The following DBR1 variants were observed in gnomAD, a reference collection of about 807,000 sequenced individuals.
DBR1 encodes lariat debranching enzyme.
In DBR1, 33 loss-of-function variants were observed where a neutral mutation model predicts 45.9. That is an observed-to-expected ratio of 0.72 (90% confidence interval 0.55 to 0.96). The LOEUF is 0.96. Ranked by LOEUF, DBR1 falls within the 40% of genes least tolerant of loss-of-function variation. The probability of loss-of-function intolerance (pLI) is 0.00; values close to 1 mark genes in which losing one functional copy is unlikely to be tolerated. For missense variants in DBR1, 619 were observed against 667.4 expected (o/e 0.93, Z 0.80); for synonymous variants, 235 against 235.9 (o/e 1.00, Z 0.04).
At chr3:138,168,699 G>A (rs1257317007) in intron 4 of DBR1, among the ~76,000 whole-genome samples, 1 of 152,078 alleles carries the variant, frequency 6.6e-6, no homozygotes, top group East Asian at 1.9e-4. Context: ...GCTCATGCCT[G>A]TAATCCCAGC....
chr3:138,161,131 A>T lies in DBR1; in HGVS notation c.*758T>A, dbSNP rs1355342285. The T allele has an allele frequency of 6.6e-6, 1 of 152,210 alleles. No individual in the cohort carries two copies. Among genetic ancestry groups the T allele is most frequent in the Non-Finnish European group, 1.5e-5 (1 of 68,036 alleles). The allele number at this position is 152,210 out of a possible 1,614,324, so 9.4% of individuals were successfully genotyped here. A position where few individuals can be genotyped will look rare whatever the true frequency, so the allele number is the denominator to read the frequency against. ...TATTTATAATAAATGAAAAGAAAGCATACATCATAATATATACAATGACTT... is the reference window on the plus strand; with the variant it reads ...TATTTATAATAAATGAAAAGAAAGCTTACATCATAATATATACAATGACTT... On this transcript the variant is annotated 3_prime_UTR_variant, in exon 8 of 8. Transcript: ENST00000260803.
intron 7 of DBR1, 104 bp from the exon 8 acceptor site, chr3:138,162,686 T>C (rs2042913692): frequency 2.0e-6 from 2 of 983,188 alleles, no homozygotes; most frequent in East Asian, 5.0e-5. Context: ...AAATAAGCCA[T>C]CTATCAAAAT....
At position 138,161,575 on chromosome 3, in the gene DBR1, G is replaced by C. The variant is rs2042907221; in HGVS notation, c.*314C>G. The C allele has an allele frequency of 8.0e-6, 2 of 248,466 alleles. No individual in the cohort carries two copies. Among genetic ancestry groups the C allele is most frequent in the African/African-American group, 2.2e-5 (1 of 45,660 alleles). 15.4% of individuals were successfully genotyped at this position (248,466 alleles called of 1,614,324 possible). A position where few individuals can be genotyped will look rare whatever the true frequency, so the allele number is the denominator to read the frequency against. On this transcript the variant is annotated 3_prime_UTR_variant, in exon 8 of 8. Transcript: ENST00000260803. The stretch of plus-strand genomic sequence containing the variant: ...ACAAGTAAATTGTCGGCCAGGCACA[G>C]TGGCTCACGCCTGTAATCCCAGCAC...
chr3:138,167,815 CATCTGTCTGT>C (rs1470187546), intron 4 of DBR1, among the ~76,000 whole-genome samples: 6 of 152,058 alleles, frequency 3.9e-5, no homozygotes, highest in Non-Finnish European at 8.8e-5. Context: ...GACGTTGTGG[CATCTGTCTGT>C]AATCCCAGCT....
intron 4 of DBR1, among the ~76,000 whole-genome samples, chr3:138,167,683 C>T (rs1265516407): frequency 2.0e-5 from 3 of 152,190 alleles, no homozygotes; most frequent in East Asian, 1.9e-4. Context: ...CGGTGGCTCA[C>T]GCCTATAATC....
intron 5 of DBR1, among the ~76,000 whole-genome samples, chr3:138,164,809 G>A (rs1192505569): frequency 6.6e-6 from 1 of 152,150 alleles, no homozygotes; most frequent in African/African-American, 2.4e-5. Context: ...AACATGCCCA[G>A]CTAATTTTTG....
rs755215395 is a variant in DBR1, at chr3:138,162,144, C to G, written c.1380G>C (p.Glu460Asp). ...PSVEPSDQAS[E>D]FSASFSDVRI... Reference sequence around the variant, plus strand: ...TGACATCAGAGAAACTTGCAGAAAACTCAGAAGCTTGATCAGAAGGTTCTA... The same window carrying G: ...TGACATCAGAGAAACTTGCAGAAAAGTCAGAAGCTTGATCAGAAGGTTCTA... The change falls in exon 8 of 8, where the codon GAG becomes GAC. Residue 460 changes from glutamate (E) to aspartate (D), a missense_variant. Glu to Asp is a conservative substitution (Grantham distance 45). Coordinates refer to ENST00000260803, the MANE Select transcript of DBR1 (RefSeq NM_016216.4). The G allele has an allele frequency of 6.2e-7, 1 of 1,614,056 alleles. No homozygotes were observed. Among genetic ancestry groups the G allele is most frequent in the African/African-American group, 1.3e-5 (1 of 74,928 alleles).
At chr3:138,166,499 C>A (rs1016131987) in intron 5 of DBR1, among the ~76,000 whole-genome samples, 1 of 152,272 alleles carries the variant, frequency 6.6e-6, no homozygotes, top group Non-Finnish European at 1.5e-5. Context: ...GCCTGCTCTG[C>A]CTCCCATTTT....
At chr3:138,165,458 G>A (rs187736028) in intron 5 of DBR1, among the ~76,000 whole-genome samples, 394 of 152,226 alleles carry the variant, frequency 2.6e-3, no homozygotes, top group Non-Finnish European at 3.5e-3. Context: ...GGCCAGGCGC[G>A]GTGGCTCATG....
rs1241509432 is a variant in DBR1 at position 138,161,753 on chromosome 3, G to C, written c.*136C>G. The C allele has an allele frequency of 2.9e-6, 2 of 687,720 alleles. No individual in the cohort carries two copies. The allele number at this position is 687,720 out of a possible 1,614,324, so 42.6% of individuals were successfully genotyped here. A position where few individuals can be genotyped will look rare whatever the true frequency, so the allele number is the denominator to read the frequency against. ...CCCACCTACTTGGGAGGCTGAGGCA[G>C]GAGAATTGCTTGAACCTGGGAGGCG... On this transcript the variant is annotated 3_prime_UTR_variant, in exon 8 of 8. Coordinates refer to ENST00000260803, the MANE Select transcript of DBR1 (RefSeq NM_016216.4).
chr3:138,169,400 C>T (rs2042944729), intron 4 of DBR1, among the ~76,000 whole-genome samples: 3 of 152,188 alleles, frequency 2.0e-5, no homozygotes, highest in Admixed American at 1.3e-4. Flanking sequence ...ATACCACCTT[C>T]ACAATTTTCC....
rs755206811 is a variant in DBR1 at position 138,170,159 on chromosome 3, G to A, written c.437C>T (p.Thr146Ile). The change falls in exon 4 of 8, where the codon ACA becomes ATA. Residue 146 changes from threonine (T) to isoleucine (I), a missense_variant. Coordinates refer to ENST00000260803, the MANE Select transcript of DBR1 (RefSeq NM_016216.4). ...TCTCACATGATATATACTCCTGATT[G>A]TAGATGAATTATAAGGGGGGCACTC... ...HFECPPYNSSTIRSIYHVRNI... is the reference protein window; with the variant it reads ...HFECPPYNSSIIRSIYHVRNI... 7 of 1,598,744 alleles carry A rather than the reference G, an allele frequency of 4.4e-6. No homozygotes were observed. In the Admixed American group the frequency reaches 8.6e-5, roughly 20 times the overall value.
chr3:138,168,439 G>C (rs891129737), intron 4 of DBR1, among the ~76,000 whole-genome samples: 4 of 151,034 alleles, frequency 2.6e-5, no homozygotes, highest in African/African-American at 9.7e-5. Context: ...AGAATCGCTT[G>C]AACCCAGGAG....
At chr3:138,173,781 A>T (rs1288782986) in intron 1 of DBR1, among the ~76,000 whole-genome samples, 155 bp from the exon 2 acceptor site, 2 of 152,112 alleles carry the variant, frequency 1.3e-5, no homozygotes, top group Non-Finnish European at 2.9e-5. Flanking sequence ...TCCCTCCTGT[A>T]ATCCCAGCAC....
Position 138,162,120 on chromosome 3 carries a change from G to A in DBR1, c.1404C>T (p.Val468=). 6.2e-7 allele frequency: 1 copy of A among 1,614,156 alleles called. No individual in the cohort carries two copies. The highest frequency in any genetic ancestry group is 2.2e-5 in the East Asian group (1 of 44,876). ...CAATCATAGAGCCTGGCAAGATCCT[G>A]ACATCAGAGAAACTTGCAGAAAACT... is the stretch of plus-strand genomic sequence containing the variant. ...ASEFSASFSD[V]RILPGSMIVS... is the part of the protein sequence containing the mutation. Residue 468 remains valine, a synonymous_variant, in exon 8 of 8, where the codon GTC becomes GTT. Coordinates refer to ENST00000260803, the MANE Select transcript of DBR1 (RefSeq NM_016216.4).
chr3:138,161,074 T>A lies in DBR1; in HGVS notation c.*815A>T, dbSNP rs1033890886. ...ATACCATCTTCAATTTCAATTTTTA[T>A]TTGACAGATATTAAAAGCTGATCAG... On this transcript the variant is annotated 3_prime_UTR_variant, in exon 8 of 8. Transcript: ENST00000260803. 6.6e-6 allele frequency: 1 copy of A among 152,212 alleles called. No individual in the cohort carries two copies. The highest frequency in any genetic ancestry group is 1.5e-5 in the Non-Finnish European group (1 of 68,036). 9.4% of individuals were successfully genotyped at this position (152,212 alleles called of 1,614,324 possible). A position where few individuals can be genotyped will look rare whatever the true frequency, so the allele number is the denominator to read the frequency against.
Position 138,163,480 on chromosome 3 carries a change from TTCTATC to T in DBR1, c.804_809del (p.Ile269_Glu270del), listed in dbSNP as rs1480547055. 6.2e-7 allele frequency: 1 copy of T among 1,601,344 alleles called. No individual in the cohort carries two copies. The highest frequency in any genetic ancestry group is 2.2e-5 in the East Asian group (1 of 44,774). ...AGTAATCAGGAGCACTGGGGTCATG[TTCTATC>T]TCTAATATCTACAGGATGAAATCAA... On this transcript the variant is annotated inframe_deletion, in exon 7 of 8. Coordinates refer to ENST00000260803, the MANE Select transcript of DBR1 (RefSeq NM_016216.4).
At chr3:138,172,709 C>A (rs2042960780) in intron 2 of DBR1, among the ~76,000 whole-genome samples, 3 of 152,160 alleles carry the variant, frequency 2.0e-5, no homozygotes, top group Non-Finnish European at 4.4e-5. Context: ...TAAAAGGAAT[C>A]CAATCAGCTA....
rs766816886 is a variant in DBR1, at chr3:138,163,453, C to T, written c.837G>A (p.Leu279=). The part of the protein sequence containing the change: ...IEHDPSAPDY[L]EYDIEWLTIL... ...TAGTGAGCCATTCAATATCATATTC[C>T]AAGTAATCAGGAGCACTGGGGTCAT... Residue 279 remains leucine (L), a synonymous_variant, in exon 7 of 8, where the codon TTG becomes TTA. Transcript: ENST00000260803. 2.5e-6 allele frequency: 4 copies of T among 1,611,394 alleles called. No homozygotes were observed. The African/African-American group carries it at 5.3e-5, about 22-fold the overall frequency.
Sources: allele counts gnomAD v4.1 joint callset (sites outside exome capture counted in the v4.1 genomes callset), GRCh38; gene constraint gnomAD v4.1.1; transcripts MANE v1.5; gene names NCBI Gene and HGNC (gene_info 2026-07-23, HGNC 2026-07-21).